TCAIM: variants seen among roughly 807,000 people sequenced by gnomAD.
TCAIM encodes T-cell activation inhibitor, mitochondrial.
Under a neutral mutation model 58.6 loss-of-function variants are expected in TCAIM, and 36 were observed. The ratio of observed to expected loss-of-function variants is 0.61; its 90% confidence interval spans 0.47 to 0.81. The LOEUF is 0.81. Ranked by LOEUF, TCAIM falls within the 30% of genes least tolerant of loss-of-function variation. The pLI, the probability that TCAIM is intolerant of heterozygous loss-of-function variation, is 0.00. For synonymous variants in TCAIM, 172 were observed against 193.6 expected (o/e 0.89, Z 0.93); for missense variants, 466 against 579.6 (o/e 0.80, Z 2.01).
intron 8 of TCAIM, among the ~76,000 whole-genome samples, chr3:44,398,194 G>A (rs981179613): frequency 1.2e-4 from 19 of 152,088 alleles, no homozygotes; most frequent in African/African-American, 4.6e-4. Flanking sequence ...TGGAGGCCAA[G>A]GCAGGTGGAT....
At chr3:44,394,903 AAAAAAAAAAAAAAAAAAAATATATAT>A (rs1701899140) in intron 6 of TCAIM, among the ~76,000 whole-genome samples, 4 of 47,580 alleles carry the variant, frequency 8.4e-5, no homozygotes, top group East Asian at 6.3e-4. Flanking sequence ...AAAAAAAAAA[AAAAAAAAAAAAAAAAAAAATATATAT>A]ATATATATAT....
At chr3:44,396,263 G>A (rs1701931326) in intron 6 of TCAIM, 137 bp from the exon 7 acceptor site, 2 of 627,776 alleles carry the variant, frequency 3.2e-6, no homozygotes, top group South Asian at 2.8e-5. Context: ...AGAAACATAT[G>A]ATCAATCAAA....
intron 1 of TCAIM, among the ~76,000 whole-genome samples, chr3:44,346,223 T>C (rs1700965613): frequency 6.6e-6 from 1 of 152,196 alleles, no homozygotes; most frequent in African/African-American, 2.4e-5. Context: ...AAGGTTCTAC[T>C]GAATACCAAG....
At chr3:44,403,779 C>G (rs1478033469) in intron 10 of TCAIM, among the ~76,000 whole-genome samples, 3 of 152,202 alleles carry the variant, frequency 2.0e-5, no homozygotes, top group Non-Finnish European at 2.9e-5. Context: ...CCCAGTCCAC[C>G]TTCAGAGCAG....
chr3:44,344,023 CTT>C (rs5848695), intron 1 of TCAIM, among the ~76,000 whole-genome samples: 148 of 118,328 alleles, frequency 1.3e-3, no homozygotes, highest in South Asian at 1.5e-3. Flanking sequence ...GATGGAAATG[CTT>C]TTTTTTTTTT....
chr3:44,352,727 TA>T (rs1701115960), intron 1 of TCAIM, among the ~76,000 whole-genome samples: 1 of 152,208 alleles, frequency 6.6e-6, no homozygotes, highest in Non-Finnish European at 1.5e-5. Flanking sequence ...TCCACCATTT[TA>T]GTATCGTTCA....
chr3:44,351,536 C>G (rs1289463645), intron 1 of TCAIM, among the ~76,000 whole-genome samples: 1 of 151,506 alleles, frequency 6.6e-6, no homozygotes, highest in East Asian at 1.9e-4. Context: ...ACTCTGTTGC[C>G]CAGGCTGGAG....
At chr3:44,391,670 G>A (rs1701838457) in intron 5 of TCAIM, among the ~76,000 whole-genome samples, 1 of 152,214 alleles carries the variant, frequency 6.6e-6, no homozygotes, top group African/African-American at 2.4e-5. Context: ...CACCAGGGTA[G>A]TGAAGAGGCC....
intron 1 of TCAIM, among the ~76,000 whole-genome samples, chr3:44,343,996 T>C (rs1291396835): frequency 6.6e-6 from 1 of 151,662 alleles, no homozygotes; most frequent in African/African-American, 2.4e-5. Context: ...AAATTTTATT[T>C]TGCTTTGATT....
chr3:44,401,784 A>C (rs1253094453), intron 10 of TCAIM, among the ~76,000 whole-genome samples: 1 of 152,206 alleles, frequency 6.6e-6, no homozygotes, highest in Non-Finnish European at 1.5e-5. Context: ...TAATCCCAGC[A>C]CTTGGGGAGG....
At chr3:44,371,100 C>T (rs372356722) in intron 5 of TCAIM, among the ~76,000 whole-genome samples, 12 of 151,768 alleles carry the variant, frequency 7.9e-5, no homozygotes, top group African/African-American at 2.7e-4. Flanking sequence ...TTAGTAGAGA[C>T]GGGGTTTCAC....
At chr3:44,356,026 A>G (rs1035021348) in intron 2 of TCAIM, among the ~76,000 whole-genome samples, 1 of 152,244 alleles carries the variant, frequency 6.6e-6, no homozygotes, top group Non-Finnish European at 1.5e-5. Flanking sequence ...GTACAAATCC[A>G]TATATTGACT....
At chr3:44,384,728 T>G (rs2125647306) in intron 5 of TCAIM, among the ~76,000 whole-genome samples, 1 of 152,336 alleles carries the variant, frequency 6.6e-6, no homozygotes, top group East Asian at 1.9e-4. Context: ...TCTAGACTAT[T>G]GGAATAACTT....
At chr3:44,369,818 T>C (rs1466027044) in intron 5 of TCAIM, among the ~76,000 whole-genome samples, 2 of 152,206 alleles carry the variant, frequency 1.3e-5, no homozygotes, top group Non-Finnish European at 2.9e-5. Flanking sequence ...AGTATTTTCA[T>C]TGAACTGAAC....
chr3:44,367,339 G>GC (rs1263958611), intron 4 of TCAIM, 117 bp from the exon 5 acceptor site: 16 of 1,228,496 alleles, frequency 1.3e-5, no homozygotes, highest in Non-Finnish European at 1.5e-5. Flanking sequence ...CAGGTGATTT[G>GC]CTAATAGGAC....
In TCAIM at chr3:44,400,454, A is replaced by G. The variant is rs758463281; in HGVS notation, c.985A>G (p.Ile329Val). 6.2e-7 allele frequency: 1 copy of G among 1,613,880 alleles called. No homozygotes were observed. The highest frequency in any genetic ancestry group is 2.2e-5 in the East Asian group (1 of 44,790). The change falls in exon 9 of 11, where the codon ATT (isoleucine) becomes GTT (valine). Residue 329 changes from isoleucine (I) to valine (V), a missense_variant. Coordinates refer to ENST00000342649, the MANE Select transcript of TCAIM (RefSeq NM_173826.4). ...TTTAGGTGGCATACAAGTTGTTTAT[A>G]TTGAAGAATTACAGCCAGTATTGAC... ...YLLGGIQVVY[I>V]EELQPVLTLE...
intron 1 of TCAIM, 78 bp from the exon 2 acceptor site, chr3:44,354,661 G>C (rs878990257): frequency 1.1e-6 from 1 of 912,470 alleles, no homozygotes; most frequent in Admixed American, 2.6e-5. Context: ...TCATATTTTG[G>C]GGTGATAATA....
intron 4 of TCAIM, among the ~76,000 whole-genome samples, chr3:44,366,463 G>GTTT (rs11310204): frequency 5.3e-4 from 44 of 83,012 alleles, no homozygotes; most frequent in Middle Eastern, 9.4e-3. Context: ...AATTTTTGTT[G>GTTT]TTTTTTTTTT....
chr3:44,387,062 C>T (rs1463775490), intron 5 of TCAIM, among the ~76,000 whole-genome samples: 2 of 152,182 alleles, frequency 1.3e-5, no homozygotes, highest in African/African-American at 2.4e-5. Flanking sequence ...CACATAAAAA[C>T]CCCAAACTCA....
Sources: allele counts gnomAD v4.1 joint callset (sites outside exome capture counted in the v4.1 genomes callset), GRCh38; gene constraint gnomAD v4.1.1; transcripts MANE v1.5; gene names NCBI Gene and HGNC (gene_info 2026-07-23, HGNC 2026-07-21).